ARHGAP42: variants seen among roughly 807,000 people sequenced by gnomAD.
ARHGAP42 encodes Rho GTPase activating protein 42.
In ARHGAP42, 63 loss-of-function variants were observed where a neutral mutation model predicts 125.0. The ratio of observed to expected loss-of-function variants is 0.50; its 90% CI spans 0.41 to 0.62. The LOEUF (loss-of-function observed/expected upper bound fraction) is 0.62, where lower values mean the gene tolerates loss of function less well. Ranked by LOEUF, ARHGAP42 falls within the 20% of genes least tolerant of loss-of-function variation. The probability of loss-of-function intolerance (pLI) is 0.00; values close to 1 mark genes in which losing one functional copy is unlikely to be tolerated. For synonymous variants in ARHGAP42, 339 were observed against 351.0 expected (o/e 0.97, Z 0.38); for missense variants, 766 against 1,024.2 (o/e 0.75, Z 3.44).
intron 21 of ARHGAP42, among the ~76,000 whole-genome samples, chr11:100,977,558 A>G: frequency 6.6e-6 from 1 of 152,240 alleles, no homozygotes; most frequent in East Asian, 1.9e-4. Flanking sequence ...GGTGAAGAAG[A>G]ACAATGGAAA....
intron 4 of ARHGAP42, among the ~76,000 whole-genome samples, chr11:100,868,839 C>T (rs946740988): frequency 6.6e-6 from 1 of 152,050 alleles, no homozygotes; most frequent in Non-Finnish European, 1.5e-5. Context: ...ATAAAACTAC[C>T]TTCATAGGAT....
chr11:100,925,519 C>G (rs1461026777), intron 6 of ARHGAP42, among the ~76,000 whole-genome samples: 1 of 151,410 alleles, frequency 6.6e-6, no homozygotes, highest in Non-Finnish European at 1.5e-5. Context: ...AGGCAAATCA[C>G]TTGAGACCAG....
In ARHGAP42 at chr11:100,951,901, G is replaced by A. The variant is rs565027332; in HGVS notation, c.1162+1945G>A. Among the ~76,000 whole-genome samples, 7 of 152,182 alleles carry A rather than the reference G, an allele frequency of 4.6e-5. No individual in the cohort carries two copies. The South Asian group carries it at 1.2e-3, about 27-fold the overall frequency. ...CTCTGAGCTCCTTGTGACAGAACCC[G>A]TCTCTTCTCCATAGTAGTCAATACA... On this transcript the variant is annotated intron_variant, in intron 12 of 23. Coordinates refer to ENST00000298815, the MANE Select transcript of ARHGAP42 (RefSeq NM_152432.4).
chr11:100,854,792 A>G (rs749606387), intron 3 of ARHGAP42, among the ~76,000 whole-genome samples: 12 of 152,140 alleles, frequency 7.9e-5, no homozygotes, highest in South Asian at 6.2e-4. Context: ...CTAAGAAGCT[A>G]TTGAGGAAGG....
At chr11:100,716,585 G>GT (rs143012079) in intron 1 of ARHGAP42, among the ~76,000 whole-genome samples, 5,668 of 152,084 alleles carry the variant, frequency 0.037, 111 homozygotes, top group African/African-American at 0.07. Flanking sequence ...TATTTTTGTG[G>GT]TTTTATATCG....
At chr11:100,802,660 T>G (rs1385418937) in intron 3 of ARHGAP42, among the ~76,000 whole-genome samples, 2 of 152,174 alleles carry the variant, frequency 1.3e-5, no homozygotes, top group Non-Finnish European at 2.9e-5. Flanking sequence ...ACTCTTGGCC[T>G]CAAGTGATCC....
At chr11:100,690,033 A>AT (rs1468202094) in intron 1 of ARHGAP42, among the ~76,000 whole-genome samples, 3 of 152,142 alleles carry the variant, frequency 2.0e-5, no homozygotes, top group Non-Finnish European at 4.4e-5. Context: ...TAGCCCAGAC[A>AT]TGTCCCCTGG....
intron 8 of ARHGAP42, among the ~76,000 whole-genome samples, chr11:100,941,451 T>G (rs191500787): frequency 2.5e-4 from 38 of 152,284 alleles, no homozygotes; most frequent in African/African-American, 8.9e-4. Flanking sequence ...GACACCATTT[T>G]AAACAACTCG....
intron 4 of ARHGAP42, among the ~76,000 whole-genome samples, chr11:100,881,037 G>T (rs1417431753): frequency 2.0e-5 from 3 of 152,114 alleles, no homozygotes; most frequent in Non-Finnish European, 4.4e-5. Context: ...CCTGTGGGTT[G>T]TCTGTTTACT....
rs1246650336 is a variant in ARHGAP42, at chr11:100,978,720, T to TAAAA, written c.2394-267_2394-266insAAAA. 6.6e-5 allele frequency among the ~76,000 whole-genome samples: 10 copies of TAAAA among 152,282 alleles called. No individual in the cohort carries two copies. In the South Asian group the frequency reaches 2.1e-3, roughly 32 times the overall value. ...GAAAATGTTCCTTTTACTGCTCCCATGGTTTTCTGAGATAAAAAGGATGAG... is the reference window on the plus strand; with the variant it reads ...GAAAATGTTCCTTTTACTGCTCCCATAAAAGGTTTTCTGAGATAAAAAGGATGAG... On this transcript the variant is annotated intron_variant, in intron 21 of 23. Coordinates refer to ENST00000298815, the MANE Select transcript of ARHGAP42 (RefSeq NM_152432.4).
At chr11:100,944,007 A>T (rs377408314) in intron 10 of ARHGAP42, 139 bp downstream of exon 10, 3 of 588,284 alleles carry the variant, frequency 5.1e-6, no homozygotes, top group South Asian at 2.7e-5. Flanking sequence ...TCTTTCTTTC[A>T]TGTTGTTATT....
At chr11:100,911,287 T>A (rs1002512816) in intron 4 of ARHGAP42, among the ~76,000 whole-genome samples, 1 of 152,168 alleles carries the variant, frequency 6.6e-6, no homozygotes, top group African/African-American at 2.4e-5. Flanking sequence ...ACTTATTAAA[T>A]ATTTATTGAG....
Position 100,770,348 on chromosome 11 carries a change from T to A in ARHGAP42, c.160T>A (p.Ser54Thr). Reference sequence around the variant, plus strand: ...TGCTTAACTTTTACTTGCAGATCTGTCTATGGCAGTGCAGAAATTTTCCCA... The same window carrying A: ...TGCTTAACTTTTACTTGCAGATCTGACTATGGCAGTGCAGAAATTTTCCCA... ...SLLIGALRNL[S>T]MAVQKFSQSL... is the part of the protein sequence containing the mutation. The change falls in exon 2 of 24, where the codon TCT (serine) becomes ACT (threonine). Residue 54 changes from serine to threonine, a missense_variant. Ser to Thr is a moderately conservative substitution (Grantham distance 58). This residue lies in a region of ARHGAP42 where 455 missense variants were observed against 636.5 expected (regional missense o/e 0.71). Coordinates refer to ENST00000298815, the MANE Select transcript of ARHGAP42 (RefSeq NM_152432.4). 1.9e-6 allele frequency: 3 copies of A among 1,549,110 alleles called. No individual in the cohort carries two copies. Among genetic ancestry groups the A allele is most frequent in the Non-Finnish European group, 2.6e-6 (3 of 1,146,174 alleles).
rs1399757865 is a variant in ARHGAP42, at chr11:100,974,570, G to A, written c.1822G>A (p.Gly608Arg). 5.8e-6 allele frequency: 9 copies of A among 1,551,064 alleles called. No homozygotes were observed. Among genetic ancestry groups the A allele is most frequent in the Non-Finnish European group, 7.0e-6 (8 of 1,146,576 alleles). ...CLSTGSRKPR[G>R]RYTPCLAEPD... ...CTCTACAGGGTCTAGGAAGCCCAGA[G>A]GGAGGTATACTCCATGCCTGGCCGA... The change falls in exon 19 of 24, where the codon GGG (glycine) becomes AGG (arginine). Residue 608 changes from glycine (G) to arginine (R), a missense_variant. Around this residue, in one of 3 missense-constraint regions of ARHGAP42, gnomAD observed 308 missense variants for 369.7 expected, o/e 0.83. Coordinates refer to ENST00000298815, the MANE Select transcript of ARHGAP42 (RefSeq NM_152432.4).
intron 4 of ARHGAP42, among the ~76,000 whole-genome samples, chr11:100,895,448 T>A: frequency 6.6e-6 from 1 of 151,984 alleles, no homozygotes; most frequent in East Asian, 1.9e-4. Context: ...AAGAAATATC[T>A]GCAATAATAA....
At chr11:100,976,516 G>A in intron 20 of ARHGAP42, 79 bp downstream of exon 20, 2 of 1,443,364 alleles carry the variant, frequency 1.4e-6, no homozygotes, top group Admixed American at 2.8e-5. Context: ...GGTTAAGCAG[G>A]GATAAAGTTA....
chr11:100,945,416 G>A (rs559999816), intron 10 of ARHGAP42, among the ~76,000 whole-genome samples: 1 of 152,174 alleles, frequency 6.6e-6, no homozygotes, highest in East Asian at 1.9e-4. Context: ...CTAAAGTGAT[G>A]AATCCTTTCT....
intron 1 of ARHGAP42, among the ~76,000 whole-genome samples, chr11:100,743,972 A>C (rs1177137450): frequency 1.3e-5 from 2 of 152,084 alleles, no homozygotes; most frequent in Non-Finnish European, 2.9e-5. Flanking sequence ...ATCTCTTGAG[A>C]AAATTATTTA....
intron 5 of ARHGAP42, 146 bp downstream of exon 5, chr11:100,913,699 G>A (rs1422620791): frequency 2.0e-5 from 7 of 348,808 alleles, no homozygotes; most frequent in Middle Eastern, 6.8e-4. Context: ...CTTACTATGG[G>A]CGATACTTTA....
Sources: gnomAD v4.1 joint callset for allele counts (sites outside exome capture counted in the v4.1 genomes callset) on GRCh38, gnomAD v4.1.1 for gene constraint, gnomAD v4.1.1 regional missense constraint, MANE v1.5 for transcripts, NCBI Gene and HGNC (gene_info 2026-07-23, HGNC 2026-07-21) for gene names.